Variants in ANKS1A observed in about 807,000 individuals in gnomAD.
The protein encoded by ANKS1A is ankyrin repeat and SAM domain-containing protein 1A.
Under a neutral mutation model 120.3 loss-of-function variants are expected in ANKS1A, and 55 were observed. The ratio of observed to expected loss-of-function variants is 0.46; its 90% CI spans 0.37 to 0.57. The LOEUF is 0.57. ANKS1A is among the 20% of genes least tolerant of loss of function. The pLI is 0.00. For synonymous variants in ANKS1A, 590 were observed against 604.7 expected (o/e 0.98, Z 0.36); for missense variants, 1,123 against 1,480.3 (o/e 0.76, Z 3.96).
chr6:35,047,859 A>G (rs1347885806), intron 11 of ANKS1A, among the ~76,000 whole-genome samples: 2 of 152,232 alleles, frequency 1.3e-5, no homozygotes, highest in Non-Finnish European at 2.9e-5. Context: ...AGTCAGGGCC[A>G]TGTATTTCCT....
At position 35,078,555 on chromosome 6, in the gene ANKS1A, CAG is replaced by C; in HGVS notation, c.2185-2_2185-1del. ...GCCCTGACATCCACCTTTCTGCTCTCAGGGGTCTAATGTGATGGAAGAGCAGG... is the reference window on the plus strand; with the variant it reads ...GCCCTGACATCCACCTTTCTGCTCTCGGGTCTAATGTGATGGAAGAGCAGG... On this transcript the variant is annotated splice_acceptor_variant, in intron 13 of 23. Coordinates refer to ENST00000360359, the MANE Select transcript of ANKS1A (RefSeq NM_015245.3). LOFTEE classifies it high-confidence loss of function. 1.2e-6 allele frequency: 2 copies of C among 1,611,236 alleles called. No homozygotes were observed. Among genetic ancestry groups the C allele is most frequent in the South Asian group, 1.1e-5 (1 of 91,082 alleles).
intron 10 of ANKS1A, among the ~76,000 whole-genome samples, chr6:35,003,623 A>C (rs1400969712): frequency 2.0e-5 from 3 of 152,224 alleles, no homozygotes; most frequent in Non-Finnish European, 4.4e-5. Context: ...TAGTAATAGG[A>C]ACCTGCTTAC....
intron 10 of ANKS1A, among the ~76,000 whole-genome samples, chr6:35,008,460 C>G (rs577643951): frequency 6.6e-6 from 1 of 152,236 alleles, no homozygotes; most frequent in Non-Finnish European, 1.5e-5. Flanking sequence ...AATCCCACCT[C>G]AACCTCCCAT....
At chr6:35,006,221 G>A (rs995059892) in intron 10 of ANKS1A, among the ~76,000 whole-genome samples, 3 of 149,536 alleles carry the variant, frequency 2.0e-5, no homozygotes, top group African/African-American at 4.9e-5. Flanking sequence ...AGAATTAGGC[G>A]TGATATCACA....
At chr6:35,018,168 C>G (rs112394288) in intron 11 of ANKS1A, 109 bp downstream of exon 11, 4 of 1,097,934 alleles carry the variant, frequency 3.6e-6, no homozygotes, top group Non-Finnish European at 5.3e-6. Flanking sequence ...CAAGGTTGCT[C>G]TGGTTCCTTC....
chr6:34,990,058 C>T (rs1772424253), intron 9 of ANKS1A, among the ~76,000 whole-genome samples: 1 of 152,150 alleles, frequency 6.6e-6, no homozygotes, highest in Non-Finnish European at 1.5e-5. Flanking sequence ...ATTCAATGCC[C>T]TATTCTCTAA....
intron 1 of ANKS1A, among the ~76,000 whole-genome samples, chr6:34,898,703 A>G (rs1475776624): frequency 6.6e-6 from 1 of 152,106 alleles, no homozygotes; most frequent in Non-Finnish European, 1.5e-5. Flanking sequence ...TTGGTGTACA[A>G]TCTTGTTTTT....
chr6:34,982,093 A>C lies in ANKS1A; in HGVS notation c.732+107A>C. 1 of 1,355,030 alleles carries C rather than the reference A, an allele frequency of 7.4e-7. No homozygotes were observed. Among genetic ancestry groups the C allele is most frequent in the Non-Finnish European group, 1.0e-6 (1 of 1,000,754 alleles). The allele number at this position is 1,355,030 out of a possible 1,614,324, so 83.9% of individuals were successfully genotyped here. On this transcript the variant is annotated intron_variant, in intron 4 of 23. Coordinates refer to ENST00000360359, the MANE Select transcript of ANKS1A (RefSeq NM_015245.3). This position sits in a 1 kb window ranked among gnomAD's most constrained non-coding sequence, Gnocchi z 4.9. Reference sequence around the variant, plus strand: ...GTGCTCTTTATTTAGCACGTTTCACATCATGTTTCAAATGCTTATTTGCCG... The same window carrying C: ...GTGCTCTTTATTTAGCACGTTTCACCTCATGTTTCAAATGCTTATTTGCCG...
chr6:34,890,199 C>A (rs1766737458), intron 1 of ANKS1A, among the ~76,000 whole-genome samples: 1 of 152,060 alleles, frequency 6.6e-6, no homozygotes, highest in African/African-American at 2.4e-5. Flanking sequence ...TCAAGCGATT[C>A]TCCTGCCTCT....
intron 1 of ANKS1A, among the ~76,000 whole-genome samples, chr6:34,941,069 A>G (rs1196013535): frequency 3.3e-5 from 5 of 151,112 alleles, no homozygotes. Flanking sequence ...GCTCACTGCA[A>G]CTCCACCTCC....
chr6:35,057,557 C>T lies in ANKS1A; in HGVS notation c.2078-2590C>T, dbSNP rs549629456. Among the ~76,000 whole-genome samples, 6 of 152,290 alleles carry T rather than the reference C, an allele frequency of 3.9e-5. No homozygotes were observed. The highest frequency in any genetic ancestry group is 1.4e-4 in the African/African-American group (6 of 41,556). ...ATATTTAGAAGCCCTGGACTTCTGT[C>T]CCTGTACCTGTTTTATCTTTTTGGC... On this transcript the variant is annotated intron_variant, in intron 12 of 23. Transcript: ENST00000360359. This position sits in a 1 kb window ranked among gnomAD's most constrained non-coding sequence, Gnocchi z 4.1.
chr6:35,072,520 A>G lies in ANKS1A; in HGVS notation c.2185-6038A>G, dbSNP rs116052410. 5.2e-3 allele frequency among the ~76,000 whole-genome samples: 788 copies of G among 152,314 alleles called. 5 individuals are homozygous for G. The highest frequency in any genetic ancestry group is 0.018 in the African/African-American group (744 of 41,572). On this transcript the variant is annotated intron_variant, in intron 13 of 23. Coordinates refer to ENST00000360359, the MANE Select transcript of ANKS1A (RefSeq NM_015245.3). ...AAACCCAGCCCCTTACTGAACTCCAATAGGCCAGGCTGGCTTCTTCCAGAG... is the reference window on the plus strand; with the variant it reads ...AAACCCAGCCCCTTACTGAACTCCAGTAGGCCAGGCTGGCTTCTTCCAGAG...
chr6:34,945,598 A>G (rs1191388252), intron 1 of ANKS1A, among the ~76,000 whole-genome samples: 1 of 152,166 alleles, frequency 6.6e-6, no homozygotes, highest in Non-Finnish European at 1.5e-5. Context: ...TTGTTCACCC[A>G]TCACACACTG....
intron 1 of ANKS1A, among the ~76,000 whole-genome samples, chr6:34,901,430 A>G (rs1421834203): frequency 1.3e-5 from 2 of 152,148 alleles, no homozygotes; most frequent in African/African-American, 2.4e-5. Flanking sequence ...CAATCCTTCA[A>G]TACAGGTATT....
chr6:35,090,533 T>C lies in ANKS1A; in HGVS notation c.*1924T>C. The C allele has an allele frequency of 9.6e-7, 1 of 1,038,040 alleles. No homozygotes were observed. The highest frequency in any genetic ancestry group is 1.2e-6 in the Non-Finnish European group (1 of 861,592). The allele number at this position is 1,038,040 out of a possible 1,614,324, so 64.3% of individuals were successfully genotyped here. On this transcript the variant is annotated 3_prime_UTR_variant, in exon 24 of 24. Coordinates refer to ENST00000360359, the MANE Select transcript of ANKS1A (RefSeq NM_015245.3). ...TATCATCTTTATTTATTCAGGGTAT[T>C]TTCATATTGGAAGCCTTGGCTAGTC...
chr6:34,959,857 A>G (rs1440849062), intron 1 of ANKS1A, among the ~76,000 whole-genome samples: 2 of 152,174 alleles, frequency 1.3e-5, no homozygotes, highest in African/African-American at 4.8e-5. Context: ...TTCTCTGTTA[A>G]GAGACTTAGT....
chr6:35,058,873 C>T lies in ANKS1A; in HGVS notation c.2078-1274C>T, dbSNP rs1399996296. On this transcript the variant is annotated intron_variant, in intron 12 of 23. Transcript: ENST00000360359. The surrounding 1 kb of genome is among the most constrained non-coding windows in gnomAD (Gnocchi z 5.1). ...GTCCTCCCTGCACCACCAAAATCCC[C>T]ATGCTGATCGAGGAGCAAATAGATG... Among the ~76,000 whole-genome samples, 1 of 152,218 alleles carries T rather than the reference C, an allele frequency of 6.6e-6. No individual in the cohort carries two copies. Among genetic ancestry groups the T allele is most frequent in the Non-Finnish European group, 1.5e-5 (1 of 68,030 alleles).
At chr6:35,003,575 A>T (rs956611664) in intron 10 of ANKS1A, among the ~76,000 whole-genome samples, 1 of 152,218 alleles carries the variant, frequency 6.6e-6, no homozygotes, top group South Asian at 2.1e-4. Context: ...GGTTCCCAGC[A>T]CTAGAAAGAT....
At chr6:34,976,007 GCATGCCTGTAATCCCAGGTA>G (rs1309992799) in intron 3 of ANKS1A, among the ~76,000 whole-genome samples, 1 of 151,246 alleles carries the variant, frequency 6.6e-6, no homozygotes, top group Non-Finnish European at 1.5e-5. Flanking sequence ...GCGTGCTGGT[GCATGCCTGTAATCCCAGGTA>G]CTCGGGAGGC....
Sources: gnomAD v4.1 joint callset for allele counts (sites outside exome capture counted in the v4.1 genomes callset) on GRCh38, gnomAD v4.1.1 for gene constraint, Gnocchi (gnomAD v3.1) non-coding constraint, MANE v1.5 for transcripts, NCBI Gene and HGNC (gene_info 2026-07-23, HGNC 2026-07-21) for gene names.